The following EEA1 variants were observed in gnomAD, a reference collection of about 807,000 sequenced individuals.
EEA1 encodes the protein early endosome antigen 1.
A neutral mutation model predicts 209.2 loss-of-function variants in EEA1; 111 were observed. The observed-to-expected ratio is 0.53, with a 90% CI of 0.45 to 0.62. EEA1 has a LOEUF of 0.62. Ranked by LOEUF, EEA1 falls within the 20% of genes least tolerant of loss-of-function variation. EEA1 has a pLI of 0.00. For synonymous variants in EEA1, 536 were observed against 540.6 expected, an observed-to-expected ratio of 0.99 and a Z score of 0.12; for missense variants, 1,343 against 1,530.8, an observed-to-expected ratio of 0.88 and a Z score of 2.05.
At chr12:92,858,009 C>G (rs765475681) in intron 3 of EEA1, 2 of 346,244 alleles carry the variant, frequency 5.8e-6, no homozygotes, top group Non-Finnish European at 1.1e-5. Context: ...CTGCAACTTG[C>G]GCATTTCGCA....
chr12:92,795,481 G>C lies in EEA1; in HGVS notation c.2967+3411C>G, dbSNP rs192982321. Reference sequence around the variant, plus strand: ...TGCCATGGCATAAAATAAGTGCCTAGTAATATTTCTGAAACAAGTGATTGA... The same window carrying C: ...TGCCATGGCATAAAATAAGTGCCTACTAATATTTCTGAAACAAGTGATTGA... On this transcript the variant is annotated intron_variant, in intron 21 of 28. Coordinates refer to ENST00000322349, the MANE Select transcript of EEA1 (RefSeq NM_003566.4). 1.2e-3 allele frequency among the ~76,000 whole-genome samples: 184 copies of C among 152,296 alleles called. 2 individuals are homozygous for C. Among genetic ancestry groups the C allele is most frequent in the African/African-American group, 4.0e-3 (165 of 41,556 alleles).
chr12:92,777,245 G>C (rs1029435011), intron 27 of EEA1, among the ~76,000 whole-genome samples: 3 of 151,812 alleles, frequency 2.0e-5, no homozygotes, highest in African/African-American at 7.2e-5. Context: ...AATATACTCA[G>C]ATCGCTTCTT....
intron 1 of EEA1, among the ~76,000 whole-genome samples, chr12:92,899,129 CAAA>C (rs138666239): frequency 3.6e-3 from 497 of 137,466 alleles, no homozygotes; most frequent in African/African-American, 4.4e-3. Context: ...TGGCCAAAGG[CAAA>C]AAAAAAAAAA....
At chr12:92,872,616 T>C (rs1216187322) in intron 2 of EEA1, among the ~76,000 whole-genome samples, 2 of 152,194 alleles carry the variant, frequency 1.3e-5, no homozygotes, top group African/African-American at 4.8e-5. Flanking sequence ...TATGGGCTGT[T>C]ATACTGATGT....
chr12:92,867,053 A>G (rs896538982), intron 2 of EEA1, among the ~76,000 whole-genome samples: 1 of 151,736 alleles, frequency 6.6e-6, no homozygotes, highest in Non-Finnish European at 1.5e-5. Flanking sequence ...TTAATCTTCC[A>G]CAGAGCTGCC....
chr12:92,916,415 G>T (rs894787355), intron 1 of EEA1, among the ~76,000 whole-genome samples: 2 of 151,548 alleles, frequency 1.3e-5, no homozygotes, highest in Non-Finnish European at 2.9e-5. Context: ...AGCACTTTGG[G>T]TGGCTGAGGT....
chr12:92,900,211 AT>A (rs1205211026), intron 1 of EEA1, among the ~76,000 whole-genome samples: 17 of 152,160 alleles, frequency 1.1e-4, no homozygotes, highest in Admixed American at 1.1e-3. Context: ...GCTATCACTG[AT>A]ACAGGAGATA....
intron 2 of EEA1, among the ~76,000 whole-genome samples, chr12:92,886,764 C>T (rs1233296940): frequency 1.2e-4 from 18 of 151,918 alleles, no homozygotes; most frequent in African/African-American, 3.6e-4. Flanking sequence ...TTTGGGAGGC[C>T]GAAGCGGGCG....
intron 16 of EEA1, among the ~76,000 whole-genome samples, chr12:92,811,792 T>A (rs1592714929): frequency 6.6e-6 from 1 of 151,964 alleles, no homozygotes; most frequent in African/African-American, 2.4e-5. Context: ...TTTAAAACTA[T>A]TTTTTAAAAA....
chr12:92,889,457 C>T (rs1879567785), intron 2 of EEA1, among the ~76,000 whole-genome samples: 1 of 146,108 alleles, frequency 6.8e-6, no homozygotes, highest in Non-Finnish European at 1.5e-5. Context: ...AAAAATAAAT[C>T]AAAATATAAC....
At chr12:92,904,590 TC>T (rs1880291795) in intron 1 of EEA1, among the ~76,000 whole-genome samples, 1 of 152,060 alleles carries the variant, frequency 6.6e-6, no homozygotes. Flanking sequence ...AAATAAAAGG[TC>T]CCCAGGTTAC....
intron 15 of EEA1, among the ~76,000 whole-genome samples, chr12:92,814,751 C>T (rs928374412): frequency 6.6e-6 from 1 of 152,138 alleles, no homozygotes; most frequent in Admixed American, 6.5e-5. Context: ...GTGAAGTGCC[C>T]TCATACATGT....
At chr12:92,808,491 T>G (rs919637445) in intron 18 of EEA1, among the ~76,000 whole-genome samples, 2 of 151,976 alleles carry the variant, frequency 1.3e-5, no homozygotes, top group African/African-American at 4.8e-5. Context: ...TTTTTTTTTT[T>G]TTTCTTTTTG....
intron 1 of EEA1, among the ~76,000 whole-genome samples, chr12:92,901,686 G>A (rs1469919611): frequency 6.6e-6 from 1 of 151,602 alleles, no homozygotes; most frequent in East Asian, 1.9e-4. Flanking sequence ...TCCTGCCTCA[G>A]CCTCCCAAGT....
intron 13 of EEA1, among the ~76,000 whole-genome samples, chr12:92,823,601 G>C (rs927315760): frequency 3.3e-5 from 5 of 152,162 alleles, no homozygotes; most frequent in African/African-American, 1.2e-4. Context: ...TACACACCTA[G>C]AACTAGACTC....
chr12:92,817,252 T>C (rs1418996765), intron 14 of EEA1, among the ~76,000 whole-genome samples: 2 of 152,130 alleles, frequency 1.3e-5, no homozygotes, highest in Non-Finnish European at 2.9e-5. Context: ...GCCTTGTCTT[T>C]TACGTTCACT....
Position 92,816,266 on chromosome 12 carries a change from A to C in EEA1, c.1863T>G (p.Thr621=). 1 of 1,613,954 alleles carries C rather than the reference A, an allele frequency of 6.2e-7. No individual in the cohort carries two copies. The highest frequency in any genetic ancestry group is 8.5e-7 in the Non-Finnish European group (1 of 1,179,876). ...ATTGACTATTTAATTCATTGACACT[A>C]GTTTCTAGGGAAAGGACACGGTCTT... ...AAQDRVLSLE[T]SVNELNSQLN... is the part of the protein sequence containing the mutation. Residue 621 remains threonine, a synonymous_variant, in exon 15 of 29, where the codon ACT becomes ACG. Transcript: ENST00000322349.
At chr12:92,777,065 T>A in intron 27 of EEA1, 123 bp from the exon 28 acceptor site, 1 of 892,876 alleles carries the variant, frequency 1.1e-6, no homozygotes, top group South Asian at 1.7e-5. Context: ...AATAAAATTT[T>A]AAAAATCAGA....
chr12:92,828,103 C>T, intron 11 of EEA1, 42 bp from the exon 12 acceptor site: 1 of 1,393,314 alleles, frequency 7.2e-7, no homozygotes, highest in East Asian at 2.6e-5. Flanking sequence ...TATGTACAAA[C>T]ACACACACAG....
Sources: allele counts gnomAD v4.1 joint callset (sites outside exome capture counted in the v4.1 genomes callset), GRCh38; gene constraint gnomAD v4.1.1; transcripts MANE v1.5; gene names NCBI Gene and HGNC (gene_info 2026-07-23, HGNC 2026-07-21).